The following WWP1 variants were observed in gnomAD, a reference collection of about 807,000 sequenced individuals.
WWP1 encodes the protein NEDD4-like E3 ubiquitin-protein ligase WWP1.
In WWP1, 49 loss-of-function variants were observed where a neutral mutation model predicts 130.6. The ratio of observed to expected loss-of-function variants is 0.38; its 90% CI spans 0.30 to 0.48. The LOEUF (loss-of-function observed/expected upper bound fraction) is 0.48, where lower values mean the gene tolerates loss of function less well. Among genes scored for constraint, WWP1 ranks in the 20% least tolerant of loss-of-function variants. The probability of loss-of-function intolerance (pLI) is 0.99; values close to 1 mark genes in which losing one functional copy is unlikely to be tolerated. For synonymous variants in WWP1, 332 were observed against 367.8 expected (o/e 0.90, Z 1.11); for missense variants, 809 against 1,100.6 (o/e 0.74, Z 3.75).
At chr8:86,464,117 T>A (rs1183142090) in intron 24 of WWP1, among the ~76,000 whole-genome samples, 1 of 152,146 alleles carries the variant, frequency 6.6e-6, no homozygotes, top group Non-Finnish European at 1.5e-5. Flanking sequence ...AGATTTTGTA[T>A]AACAAAGTAC....
chr8:86,457,775 T>C (rs1030598962), intron 21 of WWP1, 146 bp from the exon 22 acceptor site: 1 of 567,214 alleles, frequency 1.8e-6, no homozygotes, highest in Admixed American at 3.5e-5. Context: ...AGTTTTGTTA[T>C]ATTTGCTTAT....
chr8:86,461,635 G>A lies in WWP1; in HGVS notation c.2597-139G>A, dbSNP rs151257507. The A allele has an allele frequency of 5.6e-5, 40 of 715,862 alleles. No homozygotes were observed. The African/African-American group carries it at 6.2e-4, about 11-fold the overall frequency. 44.3% of individuals were successfully genotyped at this position (715,862 alleles called of 1,614,324 possible). A position where few individuals can be genotyped will look rare whatever the true frequency, so the allele number is the denominator to read the frequency against. Reference sequence around the variant, plus strand: ...ATCTCTGCAACAATTTTCTTCTTCAGGCAGAAGCAGCTTACATTGTGAATT... The same window carrying A: ...ATCTCTGCAACAATTTTCTTCTTCAAGCAGAAGCAGCTTACATTGTGAATT... On this transcript the variant is annotated intron_variant, in intron 23 of 24. Coordinates refer to ENST00000517970, the MANE Select transcript of WWP1 (RefSeq NM_007013.4).
intron 8 of WWP1, among the ~76,000 whole-genome samples, chr8:86,405,921 C>CT (rs528915526): frequency 6.6e-6 from 1 of 152,122 alleles, no homozygotes; most frequent in Non-Finnish European, 1.5e-5. Context: ...TGGGTCAATA[C>CT]TAAGGGGTTT....
At chr8:86,393,618 A>T (rs1281591449) in intron 5 of WWP1, among the ~76,000 whole-genome samples, 1 of 152,374 alleles carries the variant, frequency 6.6e-6, no homozygotes, top group South Asian at 2.1e-4. Flanking sequence ...ATTGACTCAT[A>T]GCATGATATA....
intron 9 of WWP1, among the ~76,000 whole-genome samples, chr8:86,421,902 A>C (rs552687115): frequency 1.3e-5 from 2 of 152,156 alleles, no homozygotes; most frequent in Admixed American, 6.5e-5. Context: ...TCCTCTCTCA[A>C]AATTTTGCAG....
intron 14 of WWP1, among the ~76,000 whole-genome samples, chr8:86,434,511 C>T (rs940359530): frequency 1.3e-5 from 2 of 152,220 alleles, no homozygotes; most frequent in African/African-American, 4.8e-5. Context: ...GAGCTCTACT[C>T]CTTTTACCCT....
chr8:86,397,145 C>T (rs1424835314), intron 5 of WWP1, among the ~76,000 whole-genome samples: 1 of 152,154 alleles, frequency 6.6e-6, no homozygotes, highest in Non-Finnish European at 1.5e-5. Flanking sequence ...AACCTCTCCT[C>T]CCTGCCCAAA....
At chr8:86,439,252 A>G (rs1810466952) in intron 17 of WWP1, among the ~76,000 whole-genome samples, 2 of 150,332 alleles carry the variant, frequency 1.3e-5, no homozygotes, top group Non-Finnish European at 3.0e-5. Context: ...GTAAGGCAGG[A>G]GAATGGTGTG....
intron 11 of WWP1, among the ~76,000 whole-genome samples, chr8:86,429,676 T>C (rs1391963023): frequency 6.6e-6 from 1 of 152,214 alleles, no homozygotes; most frequent in African/African-American, 2.4e-5. Context: ...TGGGCATTTG[T>C]TTTAAAGAAA....
chr8:86,393,825 A>G (rs1807489714), intron 5 of WWP1, among the ~76,000 whole-genome samples: 2 of 152,182 alleles, frequency 1.3e-5, no homozygotes, highest in Admixed American at 1.3e-4. Context: ...CCCCTCCCAC[A>G]CTGCGTCAGA....
chr8:86,349,053 A>T (rs992574054), intron 1 of WWP1, among the ~76,000 whole-genome samples: 3 of 151,798 alleles, frequency 2.0e-5, no homozygotes, highest in African/African-American at 7.3e-5. Context: ...AGGGAGTCTC[A>T]CTCTGTCACC....
intron 12 of WWP1, 102 bp downstream of exon 12, chr8:86,430,853 AT>A (rs1481882193): frequency 3.1e-5 from 12 of 381,014 alleles, no homozygotes; most frequent in Non-Finnish European, 3.9e-5. Context: ...TTATATATAT[AT>A]ATCTCCCTTA....
At chr8:86,376,304 C>T (rs369087336) in intron 3 of WWP1, among the ~76,000 whole-genome samples, 8 of 152,322 alleles carry the variant, frequency 5.3e-5, no homozygotes, top group African/African-American at 1.9e-4. Context: ...CGCGGTGGCT[C>T]ATGCCTGTAA....
At chr8:86,455,870 C>G (rs1267701732) in intron 21 of WWP1, among the ~76,000 whole-genome samples, 1 of 151,868 alleles carries the variant, frequency 6.6e-6, no homozygotes, top group Non-Finnish European at 1.5e-5. Context: ...TTTAAGATTT[C>G]TAACACCATA....
rs781497511 is a variant in WWP1, at chr8:86,431,724, C to T, written c.1582C>T (p.Arg528Cys). 1.2e-6 allele frequency: 2 copies of T among 1,613,810 alleles called. No homozygotes were observed. Among genetic ancestry groups the T allele is most frequent in the Non-Finnish European group, 8.5e-7 (1 of 1,179,862 alleles). Residue 528 changes from arginine to cysteine, a missense_variant, in exon 14 of 25, where the codon CGC becomes TGC. Physicochemically the swap from Arg to Cys is radical, Grantham distance 180. This residue lies in a region of WWP1 where 450 missense variants were observed against 674.2 expected (regional missense o/e 0.67). Transcript: ENST00000517970. ...AAGAACAACAACATTCAAAGATCCT[C>T]GCAATGGGAAGTCATCTGTGTGAGT... Reference protein sequence around the residue: ...NTRTTTFKDPRNGKSSVTKGG... With the variant: ...NTRTTTFKDPCNGKSSVTKGG...
chr8:86,390,036 A>G (rs1484223679), intron 5 of WWP1, among the ~76,000 whole-genome samples: 2 of 144,440 alleles, frequency 1.4e-5, no homozygotes, highest in Non-Finnish European at 3.0e-5. Context: ...TCTGGCAGAG[A>G]CACTCCTCAG....
At chr8:86,415,454 A>C (rs1808835994) in intron 9 of WWP1, among the ~76,000 whole-genome samples, 1 of 152,172 alleles carries the variant, frequency 6.6e-6, no homozygotes, top group Middle Eastern at 3.2e-3. Flanking sequence ...AATGAGTTGC[A>C]GACATCAATA....
intron 5 of WWP1, among the ~76,000 whole-genome samples, chr8:86,389,117 AG>A (rs1825458069): frequency 1.3e-5 from 2 of 151,884 alleles, no homozygotes; most frequent in African/African-American, 4.8e-5. Flanking sequence ...ATTGAGTTTT[AG>A]GAAGAGACAT....
At position 86,461,814 on chromosome 8, in the gene WWP1, C is replaced by T. The variant is rs1811782276; in HGVS notation, c.2637C>T (p.Gly879=). ...AAAAGTTTTGCATTGAAAAAGTTGG[C>T]AAAGACACTTGGTTACCAAGAAGCC... ...GPQKFCIEKV[G]KDTWLPRSHT... The change falls in exon 24 of 25, where the codon GGC becomes GGT. Residue 879 remains glycine (G), a synonymous_variant. Transcript: ENST00000517970. 6.2e-7 allele frequency: 1 copy of T among 1,613,736 alleles called. No individual in the cohort carries two copies. Among genetic ancestry groups the T allele is most frequent in the Non-Finnish European group, 8.5e-7 (1 of 1,179,918 alleles).
Sources: allele counts gnomAD v4.1 joint callset (sites outside exome capture counted in the v4.1 genomes callset), GRCh38; gene constraint gnomAD v4.1.1; regional missense constraint gnomAD v4.1.1; transcripts MANE v1.5; gene names NCBI Gene and HGNC (gene_info 2026-07-23, HGNC 2026-07-21).